Variants in ATRNL1 observed in about 807,000 individuals in gnomAD.
ATRNL1 encodes the protein attractin-like protein 1.
In ATRNL1, 95 loss-of-function variants were observed where a neutral mutation model predicts 182.7. That is an observed-to-expected ratio of 0.52 (90% CI 0.44 to 0.62). The LOEUF (loss-of-function observed/expected upper bound fraction) is 0.62. Ranked by LOEUF, ATRNL1 falls within the 20% of genes least tolerant of loss-of-function variation. ATRNL1 has a pLI of 0.00. For synonymous variants in ATRNL1, 576 were observed against 568.3 expected (o/e 1.01, Z -0.19); for missense variants, 1,471 against 1,679.5 (o/e 0.88, Z 2.17).
intron 26 of ATRNL1, among the ~76,000 whole-genome samples, chr10:115,642,324 C>G (rs1859304584): frequency 6.6e-6 from 1 of 152,006 alleles, no homozygotes; most frequent in Non-Finnish European, 1.5e-5. Flanking sequence ...TGAAAGAAAT[C>G]AAAGAATACC....
chr10:115,688,953 C>A (rs1946306367), intron 26 of ATRNL1, among the ~76,000 whole-genome samples: 2 of 152,054 alleles, frequency 1.3e-5, no homozygotes, highest in African/African-American at 4.8e-5. Context: ...GTCATTAATG[C>A]ATCTTTTGAG....
intron 27 of ATRNL1, among the ~76,000 whole-genome samples, chr10:115,816,707 AT>A (rs1472945172): frequency 2.0e-5 from 3 of 151,916 alleles, no homozygotes; most frequent in Admixed American, 2.0e-4. Context: ...CTATTTTCCT[AT>A]TTTTTAGCAG....
chr10:115,684,784 CAAAT>C (rs1488504686), intron 26 of ATRNL1, among the ~76,000 whole-genome samples: 3 of 151,442 alleles, frequency 2.0e-5, no homozygotes, highest in Non-Finnish European at 4.4e-5. Context: ...AAATTGTGAC[CAAAT>C]AGTGTAATGC....
chr10:115,693,712 G>T (rs905857087), intron 26 of ATRNL1, among the ~76,000 whole-genome samples: 3 of 152,054 alleles, frequency 2.0e-5, no homozygotes, highest in Admixed American at 2.0e-4. Flanking sequence ...TGTACCGAAT[G>T]CTGTAAACAA....
In ATRNL1 at chr10:115,093,823, G is replaced by T. The variant is rs2084938480; in HGVS notation, c.73G>T (p.Ala25Ser). The T allele has an allele frequency of 3.3e-6, 5 of 1,502,164 alleles. No homozygotes were observed. Among genetic ancestry groups the T allele is most frequent in the Admixed American group, 2.2e-5 (1 of 46,258 alleles). 93.1% of individuals were successfully genotyped at this position (1,502,164 alleles called of 1,614,324 possible). The change falls in exon 1 of 29, where the codon GCG becomes TCG. Residue 25 changes from alanine (A) to serine (S), a missense_variant. Physicochemically the swap from Ala to Ser is moderately conservative, Grantham distance 99 (BLOSUM62 1). This residue lies in a region of ATRNL1 where 1,031 missense variants were observed against 1,156.0 expected (regional missense o/e 0.89). Transcript: ENST00000355044. The surrounding 1 kb of genome is among the most constrained non-coding windows in gnomAD (Gnocchi z 6.1). The part of the protein sequence containing the change: ...AAPGVWRARP[A>S]GGGGGGASSW... The stretch of plus-strand genomic sequence containing the variant: ...CCCGGGGGTGTGGAGGGCTCGGCCG[G>T]CGGGCGGCGGCGGCGGGGGCGCCTC...
At chr10:115,795,277 C>T in intron 27 of ATRNL1, among the ~76,000 whole-genome samples, 1 of 152,156 alleles carries the variant, frequency 6.6e-6, no homozygotes, top group East Asian at 1.9e-4. Context: ...TACTGAACAC[C>T]ATGAGTTTAT....
At chr10:115,828,632 A>G (rs1191958983) in intron 27 of ATRNL1, among the ~76,000 whole-genome samples, 2 of 152,212 alleles carry the variant, frequency 1.3e-5, no homozygotes, top group African/African-American at 4.8e-5. Context: ...TTAATGTTTT[A>G]CATTCAGTAT....
At chr10:115,165,447 T>C (rs528773965) in intron 6 of ATRNL1, 111 bp from the exon 7 acceptor site, 41 of 494,372 alleles carry the variant, frequency 8.3e-5, no homozygotes, top group African/African-American at 6.8e-4. Flanking sequence ...TAGTTGTAAC[T>C]CTTTTTGAAT....
chr10:115,456,055 A>C (rs1380360644), intron 21 of ATRNL1, among the ~76,000 whole-genome samples: 1 of 152,128 alleles, frequency 6.6e-6, no homozygotes, highest in Non-Finnish European at 1.5e-5. Context: ...AATTAGTTCA[A>C]CCATTGTGAA....
chr10:115,145,014 CTT>C (rs1554878990), intron 5 of ATRNL1, among the ~76,000 whole-genome samples: 1 of 152,038 alleles, frequency 6.6e-6, no homozygotes, highest in Non-Finnish European at 1.5e-5. Context: ...GGCAGTTTAA[CTT>C]TTGTACCTAG....
At chr10:115,166,784 A>AT (rs1211729381) in intron 7 of ATRNL1, among the ~76,000 whole-genome samples, 1 of 151,890 alleles carries the variant, frequency 6.6e-6, no homozygotes, top group East Asian at 1.9e-4. Flanking sequence ...AGCTCTTTAT[A>AT]TATTATGGTA....
At chr10:115,740,786 G>A (rs547243283) in intron 27 of ATRNL1, among the ~76,000 whole-genome samples, 28 of 151,846 alleles carry the variant, frequency 1.8e-4, no homozygotes, top group Admixed American at 5.3e-4. Flanking sequence ...GATTACAGGT[G>A]TGAGCCACCA....
intron 26 of ATRNL1, among the ~76,000 whole-genome samples, chr10:115,602,520 A>G (rs1452833373): frequency 6.6e-6 from 1 of 152,136 alleles, no homozygotes; most frequent in African/African-American, 2.4e-5. Context: ...AATTAGTGTC[A>G]GACGCTACAA....
chr10:115,827,589 TGG>T (rs1950465500), intron 27 of ATRNL1, among the ~76,000 whole-genome samples: 1 of 152,014 alleles, frequency 6.6e-6, no homozygotes, highest in South Asian at 2.1e-4. Flanking sequence ...CATAATGTGG[TGG>T]GGGTTTCAGT....
chr10:115,593,484 C>T (rs1276502684), intron 26 of ATRNL1, among the ~76,000 whole-genome samples: 1 of 152,144 alleles, frequency 6.6e-6, no homozygotes, highest in Admixed American at 6.5e-5. Context: ...CAAGAACACA[C>T]AATGGGGGAA....
At chr10:115,106,398 G>A (rs1844013452) in intron 1 of ATRNL1, among the ~76,000 whole-genome samples, 1 of 152,006 alleles carries the variant, frequency 6.6e-6, no homozygotes. Flanking sequence ...GACCTTGGGG[G>A]TGCTGAAATG....
intron 27 of ATRNL1, among the ~76,000 whole-genome samples, chr10:115,755,408 T>C (rs1948560234): frequency 6.6e-6 from 1 of 152,196 alleles, no homozygotes; most frequent in Non-Finnish European, 1.5e-5. Context: ...GAAGGCCTTT[T>C]CTGCATCTAT....
chr10:115,328,104 TA>T (rs368083757), intron 18 of ATRNL1, among the ~76,000 whole-genome samples: 8,196 of 151,436 alleles, frequency 0.054, 723 homozygotes, highest in African/African-American at 0.19. Flanking sequence ...AAAAATAATT[TA>T]AAAAAAAGAA....
At chr10:115,939,088 A>T (rs2134616497) in intron 28 of ATRNL1, among the ~76,000 whole-genome samples, 1 of 152,386 alleles carries the variant, frequency 6.6e-6, no homozygotes, top group South Asian at 2.1e-4. Flanking sequence ...TCCACAATGT[A>T]TACATAGGTC....
Sources: allele counts gnomAD v4.1 joint callset (sites outside exome capture counted in the v4.1 genomes callset), GRCh38; gene constraint gnomAD v4.1.1; regional missense constraint gnomAD v4.1.1; non-coding constraint Gnocchi (gnomAD v3.1); transcripts MANE v1.5; gene names NCBI Gene and HGNC (gene_info 2026-07-23, HGNC 2026-07-21).